Variants in RAB4A observed in about 807,000 individuals in gnomAD.
RAB4A encodes RAB4A, member RAS oncogene family, also known as ras-related protein Rab-4A.
Under a neutral mutation model 34.5 loss-of-function variants are expected in RAB4A, and 20 were observed. That is an observed-to-expected ratio of 0.58 (90% CI 0.41 to 0.84). The LOEUF (loss-of-function observed/expected upper bound fraction) is 0.84, where lower values mean the gene tolerates loss of function less well. Among genes scored for constraint, RAB4A ranks in the 40% least tolerant of loss-of-function variants. The pLI is 0.00. For synonymous variants in RAB4A, 102 were observed against 100.0 expected (o/e 1.02, Z -0.12); for missense variants, 228 against 274.5 (o/e 0.83, Z 1.20).
intron 3 of RAB4A, among the ~76,000 whole-genome samples, chr1:229,293,690 CAGAA>C (rs1273071954): frequency 3.3e-5 from 5 of 152,010 alleles, no homozygotes; most frequent in African/African-American, 4.8e-5. Flanking sequence ...GAGACAGAGA[CAGAA>C]AGAGCATCCC....
At chr1:229,297,324 G>T (rs1384358752) in intron 4 of RAB4A, among the ~76,000 whole-genome samples, 158 bp from the exon 5 acceptor site, 1 of 152,236 alleles carries the variant, frequency 6.6e-6, no homozygotes, top group Non-Finnish European at 1.5e-5. Flanking sequence ...TGTGGGTATG[G>T]TATATACTTG....
In RAB4A at chr1:229,305,507, A is replaced by G. The variant is rs1385912349; in HGVS notation, c.*1714A>G. Reference sequence around the variant, plus strand: ...ATAAAAGTTGCTGGAGAACCAAACCATGGTGGTTCTTAATCAGGCTTTGCC... The same window carrying G: ...ATAAAAGTTGCTGGAGAACCAAACCGTGGTGGTTCTTAATCAGGCTTTGCC... On this transcript the variant is annotated 3_prime_UTR_variant, in exon 8 of 8. Coordinates refer to ENST00000366690, the MANE Select transcript of RAB4A (RefSeq NM_004578.4). 7.3e-6 allele frequency: 3 copies of G among 412,342 alleles called. No individual in the cohort carries two copies. Among genetic ancestry groups the G allele is most frequent in the South Asian group, 6.0e-5 (1 of 16,574 alleles). The allele number at this position is 412,342 out of a possible 1,614,324, so 25.5% of individuals were successfully genotyped here.
intron 1 of RAB4A, among the ~76,000 whole-genome samples, chr1:229,279,157 C>CA (rs1440731073): frequency 6.6e-6 from 1 of 152,214 alleles, no homozygotes; most frequent in Non-Finnish European, 1.5e-5. Flanking sequence ...TATACCACAG[C>CA]ACTTAGCCTT....
At chr1:229,297,947 C>A (rs1456427470) in intron 5 of RAB4A, among the ~76,000 whole-genome samples, 1 of 152,012 alleles carries the variant, frequency 6.6e-6, no homozygotes, top group Non-Finnish European at 1.5e-5. Context: ...AGACTCTAAC[C>A]AAATGATGTC....
Position 229,304,969 on chromosome 1 carries a change from T to C in RAB4A, c.*1176T>C. 1 of 682,146 alleles carries C rather than the reference T, an allele frequency of 1.5e-6. No individual in the cohort carries two copies. Among genetic ancestry groups the C allele is most frequent in the South Asian group, 3.4e-5 (1 of 29,440 alleles). 42.3% of individuals were successfully genotyped at this position (682,146 alleles called of 1,614,324 possible). A position where few individuals can be genotyped will look rare whatever the true frequency, so the allele number is the denominator to read the frequency against. The stretch of plus-strand genomic sequence containing the variant: ...CTTTCTTTAAAGTTGAAATGCAGTA[T>C]TATTTAAATCTGAAAGGTTAAAAAG... On this transcript the variant is annotated 3_prime_UTR_variant, in exon 8 of 8. Coordinates refer to ENST00000366690, the MANE Select transcript of RAB4A (RefSeq NM_004578.4).
intron 1 of RAB4A, among the ~76,000 whole-genome samples, chr1:229,277,245 G>A (rs1656674742): frequency 6.6e-6 from 1 of 150,788 alleles, no homozygotes; most frequent in Non-Finnish European, 1.5e-5. Flanking sequence ...AGTCTGTGCT[G>A]CAAATGTTAA....
chr1:229,291,241 G>T (rs1657061226), intron 3 of RAB4A, among the ~76,000 whole-genome samples: 1 of 152,218 alleles, frequency 6.6e-6, no homozygotes, highest in South Asian at 2.1e-4. Context: ...GCAAGAAAGA[G>T]GAGGAAGCCA....
chr1:229,301,735 C>A (rs12085054), intron 6 of RAB4A, among the ~76,000 whole-genome samples: 1 of 151,640 alleles, frequency 6.6e-6, no homozygotes, highest in Non-Finnish European at 1.5e-5. Context: ...CATTCAGAAA[C>A]CATTGTTTTC....
rs114366150 is a variant in RAB4A at position 229,295,866 on chromosome 1, T to C, written c.246T>C (p.Tyr82=). 3.9e-4 allele frequency: 636 copies of C among 1,614,118 alleles called. 4 individuals carry two copies. The African/African-American group carries it at 6.8e-3, about 17-fold the overall frequency. The change falls in exon 4 of 8, where the codon TAT becomes TAC. Residue 82 remains tyrosine (Y), a synonymous_variant. Transcript: ENST00000366690. ...CTTCCAGGTCCGTGACGAGAAGTTA[T>C]TACCGAGGCGCGGCCGGGGCTCTCC... The part of the protein sequence containing the change: ...QERFRSVTRS[Y]YRGAAGALLV...
intron 6 of RAB4A, 53 bp from the exon 7 acceptor site, chr1:229,302,809 G>A: frequency 8.0e-7 from 1 of 1,244,220 alleles, no homozygotes; most frequent in Non-Finnish European, 1.1e-6. Context: ...TCTATTTTTG[G>A]AATCAAAGAA....
At chr1:229,276,463 A>T (rs1363513641) in intron 1 of RAB4A, among the ~76,000 whole-genome samples, 1 of 151,482 alleles carries the variant, frequency 6.6e-6, no homozygotes, top group African/African-American at 2.5e-5. Context: ...TGTAACATCT[A>T]TATTTCTAGT....
intron 1 of RAB4A, among the ~76,000 whole-genome samples, chr1:229,275,614 CTTTTTTTTT>C (rs1028884521): frequency 7.6e-6 from 1 of 131,042 alleles, no homozygotes; most frequent in Non-Finnish European, 1.6e-5. Context: ...ATTTCTTTTC[CTTTTTTTTT>C]TTTTTTTTTT....
chr1:229,271,150 G>A lies in RAB4A; in HGVS notation c.-190G>A, dbSNP rs902485727. 2 of 419,354 alleles carry A rather than the reference G, an allele frequency of 4.8e-6. No homozygotes were observed. The highest frequency in any genetic ancestry group is 2.1e-5 in the African/African-American group (1 of 47,986). The allele number at this position is 419,354 out of a possible 1,614,324, so 26.0% of individuals were successfully genotyped here. A position where few individuals can be genotyped will look rare whatever the true frequency, so the allele number is the denominator to read the frequency against. On this transcript the variant is annotated 5_prime_UTR_variant, in exon 1 of 8. Transcript: ENST00000366690. ...GGTCGCGGCCGGACGGAGGGTGGAG[G>A]GCCCTGCGCCTGCGCGGAGCTGGAG...
chr1:229,305,259 G>GACCT lies in RAB4A; in HGVS notation c.*1467_*1470dup. 6.2e-7 allele frequency: 1 copy of GACCT among 1,602,404 alleles called. No homozygotes were observed. Among genetic ancestry groups the GACCT allele is most frequent in the Non-Finnish European group, 8.5e-7 (1 of 1,175,992 alleles). On this transcript the variant is annotated 3_prime_UTR_variant, in exon 8 of 8. Transcript: ENST00000366690. The stretch of plus-strand genomic sequence containing the variant: ...AATTCTCAGACTGAACTACTTCTTA[G>GACCT]ACCTCACTGTAAGAATATTTTATTC...
At chr1:229,272,748 G>GA (rs1252423223) in intron 1 of RAB4A, among the ~76,000 whole-genome samples, 2 of 152,130 alleles carry the variant, frequency 1.3e-5, no homozygotes, top group Non-Finnish European at 2.9e-5. Flanking sequence ...TGTCTTGTAA[G>GA]AAAAAATGGG....
intron 3 of RAB4A, among the ~76,000 whole-genome samples, chr1:229,291,905 G>A (rs575000469): frequency 1.6e-4 from 24 of 152,016 alleles, no homozygotes; most frequent in African/African-American, 5.3e-4. Flanking sequence ...TGATGAGTTC[G>A]TGTCCTTTGT....
At chr1:229,277,760 C>G (rs1656686834) in intron 1 of RAB4A, among the ~76,000 whole-genome samples, 1 of 151,322 alleles carries the variant, frequency 6.6e-6, no homozygotes, top group African/African-American at 2.5e-5. Context: ...TTCAGGTACT[C>G]ACTTCCCTGA....
Position 229,305,160 on chromosome 1 carries a change from G to A in RAB4A, c.*1367G>A. 1 of 1,601,044 alleles carries A rather than the reference G, an allele frequency of 6.2e-7. No individual in the cohort carries two copies. The highest frequency in any genetic ancestry group is 8.5e-7 in the Non-Finnish European group (1 of 1,174,840). On this transcript the variant is annotated 3_prime_UTR_variant, in exon 8 of 8. Transcript: ENST00000366690. ...ATGACTAGGATAAAAATATCAGTAT[G>A]TATCTGTTTTAGATATTTTGAGTTT...
At chr1:229,287,757 C>G (rs1311950732) in intron 2 of RAB4A, among the ~76,000 whole-genome samples, 1 of 152,148 alleles carries the variant, frequency 6.6e-6, no homozygotes, top group Non-Finnish European at 1.5e-5. Context: ...GGGCATGAAA[C>G]AGACTAGCAT....
Sources: gnomAD v4.1 joint callset for allele counts (sites outside exome capture counted in the v4.1 genomes callset) on GRCh38, gnomAD v4.1.1 for gene constraint, MANE v1.5 for transcripts, NCBI Gene and HGNC (gene_info 2026-07-23, HGNC 2026-07-21) for gene names.